PLXDC2: variants seen among roughly 807,000 people sequenced by gnomAD.
The protein encoded by PLXDC2 is plexin domain containing 2.
In PLXDC2, 40 loss-of-function variants were observed where a neutral mutation model predicts 68.9. The observed-to-expected ratio is 0.58, with a 90% CI of 0.45 to 0.76. The LOEUF (loss-of-function observed/expected upper bound fraction) is 0.76, where lower values mean the gene tolerates loss of function less well. PLXDC2 is among the 30% of genes least tolerant of loss of function. PLXDC2 has a pLI of 0.00. For synonymous variants in PLXDC2, 243 were observed against 234.2 expected (o/e 1.04, Z -0.34); for missense variants, 644 against 661.9 (o/e 0.97, Z 0.30).
intron 7 of PLXDC2, 118 bp from the exon 8 acceptor site, chr10:20,176,881 G>A (rs1442043448): frequency 6.0e-6 from 4 of 666,028 alleles, no homozygotes; most frequent in Non-Finnish European, 9.9e-6. Flanking sequence ...ACAGGATGAG[G>A]CTTAATTTTA....
At chr10:19,931,650 G>A (rs1487263196) in intron 1 of PLXDC2, among the ~76,000 whole-genome samples, 2 of 152,098 alleles carry the variant, frequency 1.3e-5, no homozygotes, top group African/African-American at 2.4e-5. Flanking sequence ...AGGCCGCTAC[G>A]CTCTGCAGAG....
chr10:19,957,515 G>A (rs1300830076), intron 1 of PLXDC2, among the ~76,000 whole-genome samples: 1 of 151,988 alleles, frequency 6.6e-6, no homozygotes, highest in African/African-American at 2.4e-5. Flanking sequence ...TTAATAATAC[G>A]CTGGAAATAT....
intron 2 of PLXDC2, among the ~76,000 whole-genome samples, chr10:20,042,892 C>CA (rs941869048): frequency 8.7e-4 from 133 of 152,298 alleles, no homozygotes; most frequent in African/African-American, 3.1e-3. Context: ...TAATACCACA[C>CA]ATGGTGCCAC....
intron 1 of PLXDC2, among the ~76,000 whole-genome samples, chr10:19,828,790 T>C (rs1247493584): frequency 6.6e-6 from 1 of 152,162 alleles, no homozygotes. Context: ...CCAAGGACTT[T>C]TGTTTGACTT....
At chr10:20,256,025 C>T (rs985574875) in intron 13 of PLXDC2, among the ~76,000 whole-genome samples, 3 of 152,002 alleles carry the variant, frequency 2.0e-5, no homozygotes, top group Non-Finnish European at 2.9e-5. Flanking sequence ...CTAATTACTA[C>T]ATTTGTATTC....
chr10:20,217,684 G>A (rs1835158827), intron 11 of PLXDC2, 108 bp downstream of exon 11: 2 of 1,267,326 alleles, frequency 1.6e-6, no homozygotes, highest in Non-Finnish European at 2.0e-6. Flanking sequence ...TACTCTCTAG[G>A]TCTCTCTAAA....
chr10:20,085,491 G>T (rs1376375462), intron 4 of PLXDC2, among the ~76,000 whole-genome samples: 1 of 152,170 alleles, frequency 6.6e-6, no homozygotes, highest in Non-Finnish European at 1.5e-5. Context: ...AGCTGAATTT[G>T]CATAGCATCC....
chr10:20,219,573 T>A (rs137947292), intron 12 of PLXDC2, among the ~76,000 whole-genome samples: 4 of 152,248 alleles, frequency 2.6e-5, no homozygotes, highest in South Asian at 2.1e-4. Flanking sequence ...TGAAAGAATA[T>A]CTTGTTGGTA....
chr10:19,897,026 T>C (rs1359830810), intron 1 of PLXDC2, among the ~76,000 whole-genome samples: 1 of 150,502 alleles, frequency 6.6e-6, no homozygotes, highest in Non-Finnish European at 1.5e-5. Flanking sequence ...CCCATTTCTT[T>C]ACTGCAGTCC....
chr10:20,277,595 A>G (rs933785893), intron 13 of PLXDC2, among the ~76,000 whole-genome samples: 2 of 152,214 alleles, frequency 1.3e-5, no homozygotes, highest in Non-Finnish European at 2.9e-5. Flanking sequence ...AACATCTCCT[A>G]TCTCATTATG....
intron 7 of PLXDC2, among the ~76,000 whole-genome samples, chr10:20,168,377 T>G (rs1396700486): frequency 6.6e-6 from 1 of 152,122 alleles, no homozygotes; most frequent in Admixed American, 6.6e-5. Flanking sequence ...TACTGTTTTT[T>G]CCATCATCGT....
At chr10:20,232,195 G>A (rs189801033) in intron 12 of PLXDC2, among the ~76,000 whole-genome samples, 1 of 152,156 alleles carries the variant, frequency 6.6e-6, no homozygotes, top group East Asian at 1.9e-4. Context: ...ATGCCCATTA[G>A]GATAGCTAAA....
chr10:19,936,873 A>G (rs183470743), intron 1 of PLXDC2, among the ~76,000 whole-genome samples: 10 of 152,326 alleles, frequency 6.6e-5, no homozygotes, highest in African/African-American at 2.4e-4. Context: ...GATACTTCAT[A>G]TATGAACTGC....
intron 12 of PLXDC2, among the ~76,000 whole-genome samples, chr10:20,241,957 G>C (rs942854088): frequency 6.6e-6 from 1 of 152,054 alleles, no homozygotes; most frequent in Non-Finnish European, 1.5e-5. Flanking sequence ...TGGATGGATG[G>C]ATGGATGGAT....
In PLXDC2 at chr10:20,101,971, T is replaced by G. The variant is rs541007923; in HGVS notation, c.541+33732T>G. Reference sequence around the variant, plus strand: ...CGACCCCCACCATGCCCGGCTAATTTTTGCATTTCTAGTAGAGATGGGGTT... The same window carrying G: ...CGACCCCCACCATGCCCGGCTAATTGTTGCATTTCTAGTAGAGATGGGGTT... On this transcript the variant is annotated intron_variant, in intron 4 of 13. Coordinates refer to ENST00000377252, the MANE Select transcript of PLXDC2 (RefSeq NM_032812.9). 9.2e-5 allele frequency among the ~76,000 whole-genome samples: 14 copies of G among 152,012 alleles called. No individual in the cohort carries two copies. The South Asian group carries it at 2.9e-3, about 32-fold the overall frequency.
At chr10:19,880,145 T>G (rs938886012) in intron 1 of PLXDC2, among the ~76,000 whole-genome samples, 3 of 152,230 alleles carry the variant, frequency 2.0e-5, no homozygotes, top group Non-Finnish European at 2.9e-5. Context: ...ATTTTTTTGG[T>G]ATATGATGGT....
chr10:20,059,901 A>G (rs1836069438), intron 3 of PLXDC2, among the ~76,000 whole-genome samples: 1 of 152,220 alleles, frequency 6.6e-6, no homozygotes, highest in Non-Finnish European at 1.5e-5. Context: ...GGGTATAACA[A>G]GGAAGTTCTC....
chr10:20,133,703 C>T (rs554803425), intron 4 of PLXDC2, among the ~76,000 whole-genome samples: 42 of 152,194 alleles, frequency 2.8e-4, no homozygotes, highest in African/African-American at 1.0e-3. Context: ...GTCTAAACTA[C>T]TTGGGATTCT....
intron 3 of PLXDC2, among the ~76,000 whole-genome samples, chr10:20,066,135 G>A (rs950475354): frequency 6.6e-6 from 1 of 152,238 alleles, no homozygotes; most frequent in African/African-American, 2.4e-5. Context: ...TGAAGCAGAC[G>A]ATAGTGGTAA....
Sources: gnomAD v4.1 joint callset for allele counts (sites outside exome capture counted in the v4.1 genomes callset) on GRCh38, gnomAD v4.1.1 for gene constraint, MANE v1.5 for transcripts, NCBI Gene and HGNC (gene_info 2026-07-23, HGNC 2026-07-21) for gene names.